DMD: variants seen among roughly 807,000 people sequenced by gnomAD.
The protein encoded by DMD is mutant dystrophin.
DMD carries 63 observed loss-of-function variants against 330.1 expected under a neutral mutation model. The ratio of observed to expected loss-of-function variants is 0.19; its 90% CI spans 0.16 to 0.24. The LOEUF (loss-of-function observed/expected upper bound fraction) is 0.24. Ranked by LOEUF, DMD falls within the 10% of genes least tolerant of loss-of-function variation. The pLI is 1.00. For missense variants in DMD, 3,344 were observed against 2,684.1 expected (o/e 1.25, Z -5.43); for synonymous variants, 1,223 against 959.8 (o/e 1.27, Z -5.07).
chrX:31,443,386 C>T lies in DMD; in HGVS notation c.9084+1095G>A, dbSNP rs113216915. ...GTCACTCAGCTAATATGTTGGATTC[C>T]AAAACCTGTGTACTGTAATAATAAT... On this transcript the variant is annotated intron_variant, in intron 60 of 78. Coordinates refer to ENST00000357033, the MANE Select transcript of DMD (RefSeq NM_004006.3). Among the ~76,000 whole-genome samples the T allele has an allele frequency of 7.1e-3, 792 of 110,904 alleles. 4 individuals are homozygous for T. The highest frequency in any genetic ancestry group is 0.024 in the African/African-American group (748 of 30,556).
At chrX:31,994,127 T>C (rs1157541941) in intron 44 of DMD, among the ~76,000 whole-genome samples, 1 of 111,579 alleles carries the variant, frequency 9.0e-6, no homozygotes, top group Non-Finnish European at 1.9e-5. Flanking sequence ...ACGCCAACTG[T>C]TAGAAGCGTG....
At chrX:33,246,694 T>C (rs912139990) in intron 1 of DMD, among the ~76,000 whole-genome samples, 5 of 111,262 alleles carry the variant, frequency 4.5e-5, no homozygotes, top group Non-Finnish European at 7.5e-5. Context: ...TTGTTTTGTT[T>C]TGTTTTTTTG....
At chrX:32,044,393 C>A (rs1244286194) in intron 44 of DMD, among the ~76,000 whole-genome samples, 2 of 108,603 alleles carry the variant, frequency 1.8e-5, no homozygotes, top group African/African-American at 3.3e-5. Flanking sequence ...CTACACATAT[C>A]CTTTTATCGT....
At chrX:32,470,448 T>A in intron 22 of DMD, among the ~76,000 whole-genome samples, 1 of 107,533 alleles carries the variant, frequency 9.3e-6, no homozygotes, top group African/African-American at 3.7e-5. Flanking sequence ...GGGGGAAATG[T>A]TCATATCTTT....
At position 32,312,942 on chromosome X, in the gene DMD, CAAAAAAAAAA is replaced by C. The variant is rs767993498; in HGVS notation, c.5923-2676_5923-2667del. ...ATTGAGGCAGTAATAGCCTACGAAC[CAAAAAAAAAA>C]AAAAAAAAAAAAGCCCAGGACCAGA... On this transcript the variant is annotated intron_variant, in intron 41 of 78. Transcript: ENST00000357033. Among the ~76,000 whole-genome samples the C allele has an allele frequency of 3.0e-3, 62 of 20,402 alleles. 4 individuals are homozygous for C. The highest frequency in any genetic ancestry group is 7.9e-3 in the South Asian group (1 of 126). 17.7% of individuals were successfully genotyped at this position (20,402 alleles called of 115,157 possible).
chrX:32,283,974 C>T (rs147270986), intron 43 of DMD, among the ~76,000 whole-genome samples: 9 of 111,052 alleles, frequency 8.1e-5, no homozygotes, highest in South Asian at 3.8e-4. Context: ...TTTGCAGTGA[C>T]GATAGCAAGC....
At chrX:31,228,024 G>A (rs1391627339) in intron 63 of DMD, among the ~76,000 whole-genome samples, 5 of 101,939 alleles carry the variant, frequency 4.9e-5, no homozygotes, top group Admixed American at 3.2e-4. Flanking sequence ...ACCAAACACC[G>A]CATATTCTCA....
intron 32 of DMD, among the ~76,000 whole-genome samples, chrX:32,388,458 G>A (rs1443100833): frequency 1.9e-5 from 2 of 105,195 alleles, no homozygotes; most frequent in African/African-American, 3.5e-5. Context: ...TCTTTTTGGG[G>A]GTGAGAATAA....
At chrX:31,159,615 C>T (rs182477655) in intron 74 of DMD, among the ~76,000 whole-genome samples, 183 of 111,139 alleles carry the variant, frequency 1.6e-3, no homozygotes, top group South Asian at 0.01. Context: ...CCTAGGAGGT[C>T]TCTGTCCTCT....
intron 67 of DMD, among the ~76,000 whole-genome samples, chrX:31,201,197 A>G (rs988237187): frequency 5.6e-5 from 6 of 107,328 alleles, no homozygotes; most frequent in Non-Finnish European, 1.2e-4. Flanking sequence ...ACACACACAC[A>G]CGCACACACA....
chrX:32,914,358 C>T (rs1385047698), intron 2 of DMD, among the ~76,000 whole-genome samples: 13 of 112,041 alleles, frequency 1.2e-4, no homozygotes, highest in African/African-American at 3.9e-4. Context: ...CAGACCAGAG[C>T]TTGAGAGCAA....
chrX:32,499,625 G>A (rs920067179), intron 19 of DMD, among the ~76,000 whole-genome samples: 5 of 111,427 alleles, frequency 4.5e-5, no homozygotes, highest in Non-Finnish European at 9.4e-5. Flanking sequence ...CTAAGCTTGG[G>A]AAGGAAGATT....
chrX:33,036,985 A>T (rs1030224513), intron 1 of DMD, among the ~76,000 whole-genome samples: 1 of 111,384 alleles, frequency 9.0e-6, no homozygotes, highest in East Asian at 2.8e-4. Flanking sequence ...CCAATCTGCA[A>T]TAAAAAAGAT....
intron 43 of DMD, among the ~76,000 whole-genome samples, chrX:32,262,112 A>T (rs2097325813): frequency 8.9e-6 from 1 of 111,904 alleles, no homozygotes; most frequent in African/African-American, 3.2e-5. Flanking sequence ...ATCTTTAAAT[A>T]CATAATGTAG....
In DMD at chrX:32,348,537, A is replaced by T; in HGVS notation, c.5326-9T>A. 1 of 1,193,740 alleles carries T rather than the reference A, an allele frequency of 8.4e-7. No homozygotes were observed. Among genetic ancestry groups the T allele is most frequent in the Non-Finnish European group, 1.1e-6 (1 of 883,273 alleles). ...TTCAAAGGAATGGAGGCCTAAAAAA[A>T]AAGATAGTGCTACTTTAAATCAAAA... On this transcript the variant is annotated splice_polypyrimidine_tract_variant and intron_variant, in intron 37 of 78. Transcript: ENST00000357033.
At chrX:31,208,489 C>T (rs1265495805) in intron 65 of DMD, among the ~76,000 whole-genome samples, 1 of 111,855 alleles carries the variant, frequency 8.9e-6, no homozygotes, top group African/African-American at 3.3e-5. Context: ...AAACTCTTAT[C>T]AAAACTAATG....
intron 55 of DMD, among the ~76,000 whole-genome samples, chrX:31,608,788 C>T (rs764740100): frequency 1.3e-4 from 14 of 111,342 alleles, no homozygotes; most frequent in South Asian, 1.1e-3. Context: ...TCACCTCTCA[C>T]TCCTGCTCAT....
rs949477682 is a variant in DMD, at chrX:32,200,622, A to G, written c.6438+16294T>C. On this transcript the variant is annotated intron_variant, in intron 44 of 78. Coordinates refer to ENST00000357033, the MANE Select transcript of DMD (RefSeq NM_004006.3). ...TGTAATCACACACATATATAATTTGAAATTTTTCATAGCCACATTTTTAAA... is the reference window on the plus strand; with the variant it reads ...TGTAATCACACACATATATAATTTGGAATTTTTCATAGCCACATTTTTAAA... 3.6e-5 allele frequency among the ~76,000 whole-genome samples: 4 copies of G among 112,210 alleles called. 1 individual carries two copies. Among genetic ancestry groups the G allele is most frequent in the Admixed American group, 1.9e-4 (2 of 10,645 alleles).
At chrX:32,095,717 C>T (rs2096500892) in intron 44 of DMD, among the ~76,000 whole-genome samples, 1 of 111,291 alleles carries the variant, frequency 9.0e-6, no homozygotes, top group African/African-American at 3.3e-5. Context: ...ATTGTTGCTC[C>T]TTTCACATTA....
Sources: allele counts gnomAD v4.1 joint callset (sites outside exome capture counted in the v4.1 genomes callset), GRCh38; gene constraint gnomAD v4.1.1; transcripts MANE v1.5; gene names NCBI Gene and HGNC (gene_info 2026-07-23, HGNC 2026-07-21).